Variants in SDHAF3 observed in about 807,000 individuals in gnomAD.
The protein encoded by SDHAF3 is succinate dehydrogenase assembly factor 3, mitochondrial.
SDHAF3 carries 18 observed loss-of-function variants against 11.5 expected under a neutral mutation model. The ratio of observed to expected loss-of-function variants is 1.56; its 90% CI spans 1.08 to 2.32. SDHAF3 has a LOEUF of 2.32. SDHAF3 is among the 30% of genes most tolerant of loss of function. SDHAF3 has a pLI of 0.00. For synonymous variants in SDHAF3, 72 were observed against 59.3 expected (o/e 1.21, Z -0.99); for missense variants, 200 against 154.4 (o/e 1.30, Z -1.57).
At chr7:97,134,731 G>A (rs1791722384) in intron 1 of SDHAF3, among the ~76,000 whole-genome samples, 3 of 152,190 alleles carry the variant, frequency 2.0e-5, no homozygotes, top group Admixed American at 2.0e-4. Flanking sequence ...ACAGGTGTGA[G>A]CCACCTCACC....
chr7:97,175,302 C>T (rs1371626184), intron 1 of SDHAF3, among the ~76,000 whole-genome samples: 1 of 152,084 alleles, frequency 6.6e-6, no homozygotes, highest in African/African-American at 2.4e-5. Context: ...TTTGAGGGTA[C>T]ATGTGAAGGT....
At chr7:97,170,735 G>C (rs1312831874) in intron 1 of SDHAF3, among the ~76,000 whole-genome samples, 1 of 151,986 alleles carries the variant, frequency 6.6e-6, no homozygotes, top group Non-Finnish European at 1.5e-5. Flanking sequence ...AGTCACAGGT[G>C]AATCTTGAGT....
intron 1 of SDHAF3, among the ~76,000 whole-genome samples, chr7:97,144,920 A>G (rs80119007): frequency 6.6e-6 from 1 of 151,960 alleles, no homozygotes; most frequent in African/African-American, 2.4e-5. Context: ...CACAATATTG[A>G]TGTTACCCAT....
intron 1 of SDHAF3, among the ~76,000 whole-genome samples, chr7:97,155,651 G>A (rs926537134): frequency 6.6e-6 from 1 of 152,112 alleles, no homozygotes; most frequent in Non-Finnish European, 1.5e-5. Flanking sequence ...ATCAGAAATT[G>A]TGAGATCATC....
rs140531719 is a variant in SDHAF3 at position 97,163,139 on chromosome 7, T to C, written c.175-17873T>C. On this transcript the variant is annotated intron_variant, in intron 1 of 1. Coordinates refer to ENST00000432641, the MANE Select transcript of SDHAF3 (RefSeq NM_020186.3). ...TACCATTATGTAATGCCCTTCTTTG[T>C]CTCTTTTGACCTTTGTTGGTTTAAA... Among the ~76,000 whole-genome samples the C allele has an allele frequency of 1.1e-3, 169 of 151,720 alleles. No homozygotes were observed. The Middle Eastern group carries it at 0.017, about 15-fold the overall frequency.
rs58956333 is a variant in SDHAF3 at position 97,163,168 on chromosome 7, C to CTTT, written c.175-17827_175-17825dup. Reference sequence around the variant, plus strand: ...TTTTGACCTTTGTTGGTTTAAAGTCCTTTTTTTTTTTTTTTTTTTAATTTT... The same window carrying CTTT: ...TTTTGACCTTTGTTGGTTTAAAGTCCTTTTTTTTTTTTTTTTTTTTTTAATTTT... On this transcript the variant is annotated intron_variant, in intron 1 of 1. Transcript: ENST00000432641. 1.1e-3 allele frequency among the ~76,000 whole-genome samples: 136 copies of CTTT among 125,010 alleles called. 2 individuals are homozygous for CTTT. The East Asian group carries it at 0.019, about 18-fold the overall frequency. 82.0% of individuals were successfully genotyped at this position (125,010 alleles called of 152,430 possible). A position where few individuals can be genotyped will look rare whatever the true frequency, so the allele number is the denominator to read the frequency against.
intron 1 of SDHAF3, among the ~76,000 whole-genome samples, chr7:97,156,515 T>C (rs189002576): frequency 6.3e-4 from 96 of 152,314 alleles, no homozygotes; most frequent in Admixed American, 1.7e-3. Flanking sequence ...TTTGAAGTTA[T>C]CTGTCCATTT....
chr7:97,170,342 C>A (rs1271889216), intron 1 of SDHAF3, among the ~76,000 whole-genome samples: 15 of 152,042 alleles, frequency 9.9e-5, no homozygotes, highest in South Asian at 2.1e-4. Flanking sequence ...AGTCCATTCA[C>A]CTAAATGATC....
intron 1 of SDHAF3, among the ~76,000 whole-genome samples, chr7:97,176,659 G>T (rs904913452): frequency 2.6e-5 from 4 of 152,000 alleles, no homozygotes; most frequent in Non-Finnish European, 2.9e-5. Flanking sequence ...GAAAGGTTGG[G>T]TTTTTTTGTT....
At chr7:97,147,724 T>C (rs1233677566) in intron 1 of SDHAF3, among the ~76,000 whole-genome samples, 1 of 152,174 alleles carries the variant, frequency 6.6e-6, no homozygotes, top group Non-Finnish European at 1.5e-5. Context: ...GATTCTGTTT[T>C]GATTATTAGA....
intron 1 of SDHAF3, among the ~76,000 whole-genome samples, chr7:97,167,499 C>T (rs1321656404): frequency 6.6e-6 from 1 of 152,148 alleles, no homozygotes; most frequent in Admixed American, 6.5e-5. Flanking sequence ...ATGTGTTCAC[C>T]AGGCCTGCTG....
intron 1 of SDHAF3, 108 bp downstream of exon 1, chr7:97,118,005 G>T (rs536440036): frequency 4.6e-5 from 61 of 1,323,370 alleles, no homozygotes; most frequent in Non-Finnish European, 6.0e-5. Flanking sequence ...AACCTGTTCT[G>T]TTTGAAATAG....
At position 97,129,352 on chromosome 7, in the gene SDHAF3, C is replaced by T. The variant is rs141976240; in HGVS notation, c.174+11455C>T. On this transcript the variant is annotated intron_variant, in intron 1 of 1. Transcript: ENST00000432641. ...TTTAAGTGTATTCTCTGTTTGTATT[C>T]GGAACTGTGGCCTCCTGTGTCTGCT... Among the ~76,000 whole-genome samples the T allele has an allele frequency of 5.1e-3, 783 of 152,248 alleles. 6 individuals are homozygous for T. The highest frequency in any genetic ancestry group is 0.017 in the Middle Eastern group (5 of 294).
At chr7:97,157,589 C>A (rs1203016381) in intron 1 of SDHAF3, among the ~76,000 whole-genome samples, 4 of 152,096 alleles carry the variant, frequency 2.6e-5, no homozygotes, top group African/African-American at 9.7e-5. Flanking sequence ...ACTAGAAATA[C>A]CATTTGACCC....
At chr7:97,163,242 A>G (rs1224889824) in intron 1 of SDHAF3, among the ~76,000 whole-genome samples, 2 of 149,182 alleles carry the variant, frequency 1.3e-5, no homozygotes, top group Non-Finnish European at 3.0e-5. Context: ...TCCGGTTTCA[A>G]GTGATTCTCC....
intron 1 of SDHAF3, among the ~76,000 whole-genome samples, chr7:97,158,226 A>G (rs1245678652): frequency 2.6e-5 from 4 of 152,122 alleles, no homozygotes; most frequent in Non-Finnish European, 4.4e-5. Flanking sequence ...TAACAGTTAC[A>G]TTTCCACGAA....
intron 1 of SDHAF3, among the ~76,000 whole-genome samples, chr7:97,165,308 A>G (rs1188453131): frequency 1.3e-5 from 2 of 149,950 alleles, no homozygotes; most frequent in African/African-American, 4.9e-5. Flanking sequence ...AAAATAAAAT[A>G]AATTTCTTGA....
Position 97,153,409 on chromosome 7 carries a change from A to G in SDHAF3, c.175-27603A>G, listed in dbSNP as rs546377843. On this transcript the variant is annotated intron_variant, in intron 1 of 1. Coordinates refer to ENST00000432641, the MANE Select transcript of SDHAF3 (RefSeq NM_020186.3). ...TCATTTCTTTTTAGCTCTGATAAAT[A>G]TTTCATTGTCTGGGTGTACTGCAGT... Among the ~76,000 whole-genome samples the G allele has an allele frequency of 2.4e-3, 365 of 152,208 alleles. 2 individuals carry two copies. Among genetic ancestry groups the G allele is most frequent in the Non-Finnish European group, 3.9e-3 (268 of 68,016 alleles).
chr7:97,139,073 C>T (rs995218278), intron 1 of SDHAF3, among the ~76,000 whole-genome samples: 2 of 152,260 alleles, frequency 1.3e-5, no homozygotes, highest in Non-Finnish European at 2.9e-5. Context: ...GGCCCTGCCG[C>T]TGCATCTCAC....
Sources: allele counts gnomAD v4.1 joint callset (sites outside exome capture counted in the v4.1 genomes callset), GRCh38; gene constraint gnomAD v4.1.1; transcripts MANE v1.5; gene names NCBI Gene and HGNC (gene_info 2026-07-23, HGNC 2026-07-21).